Variants in OXSR1 observed in about 807,000 individuals in gnomAD.
OXSR1 encodes oxidative stress responsive kinase 1.
OXSR1 carries 24 observed loss-of-function variants against 79.8 expected under a neutral mutation model. The observed-to-expected ratio is 0.30, with a 90% CI of 0.22 to 0.42. OXSR1 has a LOEUF of 0.42. Ranked by LOEUF, OXSR1 falls within the 10% of genes least tolerant of loss-of-function variation. The pLI is 1.00. For synonymous variants in OXSR1, 226 were observed against 209.2 expected (o/e 1.08, Z -0.69); for missense variants, 430 against 618.4 (o/e 0.70, Z 3.23).
chr3:38,220,973 A>G (rs967119679), intron 5 of OXSR1, among the ~76,000 whole-genome samples: 1 of 152,194 alleles, frequency 6.6e-6, no homozygotes, highest in African/African-American at 2.4e-5. Context: ...AGAGAGGTGA[A>G]CTAAGTTTAC....
chr3:38,211,058 C>G (rs1380650119), intron 4 of OXSR1, among the ~76,000 whole-genome samples: 2 of 152,134 alleles, frequency 1.3e-5, no homozygotes, highest in African/African-American at 4.8e-5. Context: ...ACTATTTGGG[C>G]AGATTCACAA....
Position 38,184,445 on chromosome 3 carries a change from C to T in OXSR1, c.183+1330C>T, listed in dbSNP as rs13324160. 6.5e-3 allele frequency among the ~76,000 whole-genome samples: 992 copies of T among 152,238 alleles called. 11 individuals are homozygous for T. The highest frequency in any genetic ancestry group is 0.023 in the African/African-American group (954 of 41,548). ...TTAGAGCACCATTTGGACACTTGAA[C>T]TGCAGTGATGATAAAAGAAGTCGAT... On this transcript the variant is annotated intron_variant, in intron 2 of 17. Transcript: ENST00000311806.
chr3:38,237,069 G>A (rs570315389), intron 11 of OXSR1, 108 bp downstream of exon 11: 19 of 989,080 alleles, frequency 1.9e-5, no homozygotes, highest in Non-Finnish European at 2.7e-5. Flanking sequence ...TTCTTGAACA[G>A]CTTATTAATA....
chr3:38,245,649 A>G (rs1379823329), intron 12 of OXSR1, among the ~76,000 whole-genome samples: 1 of 152,214 alleles, frequency 6.6e-6, no homozygotes, highest in Non-Finnish European at 1.5e-5. Flanking sequence ...ATATGATTCC[A>G]TTTATATGAA....
In OXSR1 at chr3:38,242,900, G is replaced by A. The variant is rs569727816; in HGVS notation, c.1110+122G>A. On this transcript the variant is annotated intron_variant, in intron 12 of 17. Coordinates refer to ENST00000311806, the MANE Select transcript of OXSR1 (RefSeq NM_005109.3). The stretch of plus-strand genomic sequence containing the variant: ...ATGGGAATGCAACTTTATACCAATC[G>A]AATTTTAAAAGTTGGCGTAAGGGCT... The A allele has an allele frequency of 2.2e-5, 11 of 491,008 alleles. No homozygotes were observed. The South Asian group carries it at 2.4e-4, about 11-fold the overall frequency. 30.4% of individuals were successfully genotyped at this position (491,008 alleles called of 1,614,324 possible). A position where few individuals can be genotyped will look rare whatever the true frequency, so the allele number is the denominator to read the frequency against.
chr3:38,175,936 A>G (rs1701669129), intron 1 of OXSR1, among the ~76,000 whole-genome samples: 1 of 151,990 alleles, frequency 6.6e-6, no homozygotes. Flanking sequence ...ATTGTTTTAA[A>G]TTTTCCATGG....
intron 4 of OXSR1, among the ~76,000 whole-genome samples, chr3:38,214,940 G>A (rs1348362398): frequency 2.6e-5 from 4 of 152,160 alleles, no homozygotes; most frequent in South Asian, 2.1e-4. Flanking sequence ...CAAATAAGAC[G>A]TTCTTCCATG....
intron 4 of OXSR1, among the ~76,000 whole-genome samples, chr3:38,208,957 G>GGTGTGT (rs1702323327): frequency 9.8e-6 from 1 of 102,048 alleles, no homozygotes; most frequent in Non-Finnish European, 2.2e-5. Context: ...ACCCAGTTAA[G>GGTGTGT]GAGTGTGTGT....
At position 38,221,588 on chromosome 3, in the gene OXSR1, T is replaced by C. The variant is rs1702591896; in HGVS notation, c.501T>C (p.Val167=). The change falls in exon 6 of 18, where the codon GTT becomes GTC. Residue 167 remains valine, a synonymous_variant. Coordinates refer to ENST00000311806, the MANE Select transcript of OXSR1 (RefSeq NM_005109.3). ...TGTATTCTATTTCAGACTTTGGGGTTAGTGCTTTTTTAGCAACTGGTGGTG... is the reference window on the plus strand; with the variant it reads ...TGTATTCTATTTCAGACTTTGGGGTCAGTGCTTTTTTAGCAACTGGTGGTG... ...DGSVQIADFG[V]SAFLATGGDI... The C allele has an allele frequency of 6.2e-7, 1 of 1,605,086 alleles. No individual in the cohort carries two copies. The highest frequency in any genetic ancestry group is 1.3e-5 in the African/African-American group (1 of 74,734).
chr3:38,226,148 T>C (rs1163577194), intron 8 of OXSR1, among the ~76,000 whole-genome samples: 1 of 152,048 alleles, frequency 6.6e-6, no homozygotes, highest in Non-Finnish European at 1.5e-5. Flanking sequence ...AAGAACACTT[T>C]CAAACTCTAG....
chr3:38,164,852 G>C (rs1701400302), upstream of OXSR1, among the ~76,000 whole-genome samples: 1 of 152,096 alleles, frequency 6.6e-6, no homozygotes. Context: ...GCGTTAGAGA[G>C]AACGTCCGCC....
At position 38,235,728 on chromosome 3, in the gene OXSR1, C is replaced by T. The variant is rs35929892; in HGVS notation, c.952-1111C>T. On this transcript the variant is annotated intron_variant, in intron 10 of 17. Transcript: ENST00000311806. The stretch of plus-strand genomic sequence containing the variant: ...CACTTCTGGAAGCCAAACAATGAGG[C>T]AGTTTTCTTCAAAGGTATGAAAGAA... Among the ~76,000 whole-genome samples, 329 of 152,260 alleles carry T rather than the reference C, an allele frequency of 2.2e-3. 1 individual carries two copies. The highest frequency in any genetic ancestry group is 7.5e-3 in the African/African-American group (313 of 41,548).
intron 2 of OXSR1, 46 bp from the exon 3 acceptor site, chr3:38,190,685 T>C: frequency 9.1e-7 from 1 of 1,100,812 alleles, no homozygotes; most frequent in Non-Finnish European, 1.4e-6. Flanking sequence ...CAACATTTGT[T>C]TTAGGCTTGC....
At chr3:38,233,961 T>C (rs1354023347) in intron 10 of OXSR1, among the ~76,000 whole-genome samples, 2 of 151,770 alleles carry the variant, frequency 1.3e-5, no homozygotes, top group Non-Finnish European at 2.9e-5. Flanking sequence ...AACATGACAC[T>C]GTTAAAGAAG....
chr3:38,221,234 AT>A (rs1702583741), intron 5 of OXSR1, among the ~76,000 whole-genome samples: 1 of 151,640 alleles, frequency 6.6e-6, no homozygotes, highest in African/African-American at 2.4e-5. Context: ...AGATGATGAT[AT>A]GTGGGGGTGG....
chr3:38,180,103 C>T (rs1446085986), intron 1 of OXSR1, among the ~76,000 whole-genome samples: 1 of 152,040 alleles, frequency 6.6e-6, no homozygotes, highest in East Asian at 1.9e-4. Flanking sequence ...CCACTGTGCC[C>T]AGCCTGATTT....
At chr3:38,186,960 T>G (rs917176154) in intron 2 of OXSR1, among the ~76,000 whole-genome samples, 1 of 152,220 alleles carries the variant, frequency 6.6e-6, no homozygotes, top group African/African-American at 2.4e-5. Flanking sequence ...CTCTATATCC[T>G]CACCAATACT....
intron 11 of OXSR1, among the ~76,000 whole-genome samples, chr3:38,242,409 A>G (rs961765277): frequency 2.0e-5 from 3 of 152,234 alleles, no homozygotes; most frequent in African/African-American, 7.2e-5. Flanking sequence ...GGGATCTTAT[A>G]TACATAATAT....
intron 2 of OXSR1, among the ~76,000 whole-genome samples, chr3:38,190,382 T>C (rs1295030026): frequency 6.6e-6 from 1 of 152,194 alleles, no homozygotes; most frequent in Non-Finnish European, 1.5e-5. Flanking sequence ...TTAGTTAATA[T>C]CTTTTATAGC....
Sources: gnomAD v4.1 joint callset for allele counts (sites outside exome capture counted in the v4.1 genomes callset) on GRCh38, gnomAD v4.1.1 for gene constraint, MANE v1.5 for transcripts, NCBI Gene and HGNC (gene_info 2026-07-23, HGNC 2026-07-21) for gene names.